PARP8: variants seen among roughly 807,000 people sequenced by gnomAD.
The protein encoded by PARP8 is protein mono-ADP-ribosyltransferase PARP8.
PARP8 carries 51 observed loss-of-function variants against 124.1 expected under a neutral mutation model. The observed-to-expected ratio is 0.41, with a 90% CI of 0.33 to 0.52. The LOEUF (loss-of-function observed/expected upper bound fraction) is 0.52, where lower values mean the gene tolerates loss of function less well. Ranked by LOEUF, PARP8 falls within the 20% of genes least tolerant of loss-of-function variation. The probability of loss-of-function intolerance (pLI) is 0.21; values close to 1 mark genes in which losing one functional copy is unlikely to be tolerated. For missense variants in PARP8, 860 were observed against 1,018.9 expected (o/e 0.84, Z 2.12); for synonymous variants, 391 against 361.5 (o/e 1.08, Z -0.93).
chr5:50,828,427 G>A (rs754504303), intron 21 of PARP8, 43 bp downstream of exon 21: 1 of 1,545,932 alleles, frequency 6.5e-7, no homozygotes, highest in Admixed American at 1.7e-5. Context: ...TTCTTCTTCA[G>A]AATTGAGATT....
chr5:50,712,897 A>T (rs1199300986), intron 2 of PARP8, among the ~76,000 whole-genome samples: 1 of 150,598 alleles, frequency 6.6e-6, no homozygotes, highest in Non-Finnish European at 1.5e-5. Flanking sequence ...TGTGTTTAGG[A>T]GATTTTTTTT....
chr5:50,694,022 T>C (rs1342889620), intron 2 of PARP8, among the ~76,000 whole-genome samples: 1 of 152,204 alleles, frequency 6.6e-6, no homozygotes, highest in South Asian at 2.1e-4. Context: ...GTAGACTTTT[T>C]ACTTAACAGT....
intron 17 of PARP8, 110 bp downstream of exon 17, chr5:50,822,510 C>A: frequency 1.2e-6 from 1 of 817,208 alleles, no homozygotes. Flanking sequence ...AAAATTTGTG[C>A]GGTATTAAGA....
intron 5 of PARP8, 41 bp downstream of exon 5, chr5:50,760,403 A>T: frequency 7.5e-7 from 1 of 1,341,790 alleles, no homozygotes; most frequent in Non-Finnish European, 1.0e-6. Context: ...AACAGTATAG[A>T]TATATTTAAA....
At chr5:50,784,852 T>A (rs188398511) in intron 9 of PARP8, among the ~76,000 whole-genome samples, 1 of 152,036 alleles carries the variant, frequency 6.6e-6, no homozygotes, top group Admixed American at 6.6e-5. Context: ...AATTAGACTT[T>A]TGTAGTTCAT....
intron 15 of PARP8, among the ~76,000 whole-genome samples, chr5:50,818,835 T>C (rs1261325026): frequency 6.6e-6 from 1 of 152,242 alleles, no homozygotes; most frequent in Non-Finnish European, 1.5e-5. Flanking sequence ...CACGGGCAGC[T>C]TAACATGGTA....
At position 50,844,947 on chromosome 5, in the gene PARP8, G is replaced by C. The variant is rs1156819174; in HGVS notation, c.*2879G>C. On this transcript the variant is annotated 3_prime_UTR_variant, in exon 26 of 26. Transcript: ENST00000281631. ...CTATGTTGGAATAAATTTTATACTT[G>C]TTGCTTAGTAAATCTCAGTCATACG... 1 of 150,492 alleles carries C rather than the reference G, an allele frequency of 6.6e-6. No individual in the cohort carries two copies. The highest frequency in any genetic ancestry group is 1.5e-5 in the Non-Finnish European group (1 of 67,442). 9.3% of individuals were successfully genotyped at this position (150,492 alleles called of 1,614,324 possible).
chr5:50,759,952 G>T (rs934175666), intron 4 of PARP8, among the ~76,000 whole-genome samples: 1 of 152,094 alleles, frequency 6.6e-6, no homozygotes, highest in Admixed American at 6.6e-5. Context: ...AATGTATTAT[G>T]CTGACATTGC....
At chr5:50,688,142 C>T (rs1561245955) in intron 2 of PARP8, among the ~76,000 whole-genome samples, 3 of 152,182 alleles carry the variant, frequency 2.0e-5, no homozygotes, top group Admixed American at 1.3e-4. Flanking sequence ...GCCACTGTAC[C>T]TGGCTAGCAG....
rs780799111 is a variant in PARP8, at chr5:50,795,004, A to T, written c.1015A>T (p.Thr339Ser). Residue 339 changes from threonine (T) to serine (S), a missense_variant, in exon 12 of 26, where the codon ACC becomes TCC. This residue lies in a region of PARP8 where 517 missense variants were observed against 544.2 expected (regional missense o/e 0.95). Coordinates refer to ENST00000281631, the MANE Select transcript of PARP8 (RefSeq NM_024615.4). ...DDVCVTKSHR[T>S]FGRSLSSDPR... ...TGTGTGTGTCACAAAGTCACACAGG[A>T]CCTTTGGCCGCTCCTTGTCCAGCGA... is the stretch of plus-strand genomic sequence containing the variant. 6.2e-7 allele frequency: 1 copy of T among 1,614,206 alleles called. No homozygotes were observed. The highest frequency in any genetic ancestry group is 1.1e-5 in the South Asian group (1 of 91,088).
At position 50,844,188 on chromosome 5, in the gene PARP8, T is replaced by G. The variant is rs559248652; in HGVS notation, c.*2120T>G. 3 of 151,924 alleles carry G rather than the reference T, an allele frequency of 2.0e-5. No individual in the cohort carries two copies. The East Asian group carries it at 5.8e-4, about 29-fold the overall frequency. 9.4% of individuals were successfully genotyped at this position (151,924 alleles called of 1,614,324 possible). The stretch of plus-strand genomic sequence containing the variant: ...AGTAGGTTCACCTATCTGAGGAAAT[T>G]AAGTAGTTGATAGTTTAATGCTAGG... On this transcript the variant is annotated 3_prime_UTR_variant, in exon 26 of 26. Coordinates refer to ENST00000281631, the MANE Select transcript of PARP8 (RefSeq NM_024615.4).
chr5:50,737,456 A>G (rs550423592), intron 2 of PARP8, among the ~76,000 whole-genome samples: 1 of 152,274 alleles, frequency 6.6e-6, no homozygotes, highest in African/African-American at 2.4e-5. Flanking sequence ...ATCAGTGAGA[A>G]TCATATGCTG....
chr5:50,778,239 T>C (rs543820697), intron 8 of PARP8, 110 bp downstream of exon 8: 5 of 826,694 alleles, frequency 6.0e-6, no homozygotes, highest in South Asian at 1.9e-5. Context: ...TAGTTACATA[T>C]TGACTGTTAA....
At chr5:50,816,876 G>A (rs964760547) in intron 15 of PARP8, among the ~76,000 whole-genome samples, 8 of 151,582 alleles carry the variant, frequency 5.3e-5, no homozygotes, top group African/African-American at 1.7e-4. Flanking sequence ...TTGTCCCTTG[G>A]AAATAATATT....
rs1748485462 is a variant in PARP8 at position 50,844,688 on chromosome 5, G to A, written c.*2620G>A. ...TTAGATAGTAACCCACTGAGCAAAGGCAGTCATTTATTTTCATCCTTGAAG... is the reference window on the plus strand; with the variant it reads ...TTAGATAGTAACCCACTGAGCAAAGACAGTCATTTATTTTCATCCTTGAAG... On this transcript the variant is annotated 3_prime_UTR_variant, in exon 26 of 26. Coordinates refer to ENST00000281631, the MANE Select transcript of PARP8 (RefSeq NM_024615.4). 6.6e-6 allele frequency: 1 copy of A among 151,652 alleles called. No individual in the cohort carries two copies. The highest frequency in any genetic ancestry group is 6.6e-5 in the Admixed American group (1 of 15,180). The allele number at this position is 151,652 out of a possible 1,614,324, so 9.4% of individuals were successfully genotyped here.
chr5:50,689,556 G>A (rs1752264612), intron 2 of PARP8, among the ~76,000 whole-genome samples: 1 of 152,152 alleles, frequency 6.6e-6, no homozygotes, highest in South Asian at 2.1e-4. Context: ...CAGCCCAAAA[G>A]TGACACACAT....
At chr5:50,825,020 C>G in intron 18 of PARP8, 45 bp downstream of exon 18, 1 of 1,464,826 alleles carries the variant, frequency 6.8e-7, no homozygotes, top group Non-Finnish European at 9.5e-7. Flanking sequence ...GCATCCTTTT[C>G]TACTGCTTGA....
intron 2 of PARP8, among the ~76,000 whole-genome samples, chr5:50,687,469 C>T (rs563944246): frequency 1.1e-3 from 172 of 152,296 alleles, no homozygotes; most frequent in Non-Finnish European, 7.9e-4. Flanking sequence ...CCAGCCTCTG[C>T]CTGTTACCCA....
At chr5:50,772,953 C>G (rs1457494940) in intron 7 of PARP8, among the ~76,000 whole-genome samples, 1 of 152,220 alleles carries the variant, frequency 6.6e-6, no homozygotes, top group South Asian at 2.1e-4. Context: ...CCAGCTTGGC[C>G]TCCCAAAATG....
Sources: allele counts gnomAD v4.1 joint callset (sites outside exome capture counted in the v4.1 genomes callset), GRCh38; gene constraint gnomAD v4.1.1; regional missense constraint gnomAD v4.1.1; transcripts MANE v1.5; gene names NCBI Gene and HGNC (gene_info 2026-07-23, HGNC 2026-07-21).